LRRC4C: variants seen among roughly 807,000 people sequenced by gnomAD.
LRRC4C encodes leucine rich repeat containing 4C.
LRRC4C carries 5 observed loss-of-function variants against 33.6 expected under a neutral mutation model. The ratio of observed to expected loss-of-function variants is 0.15; its 90% CI spans 0.08 to 0.31. The LOEUF (loss-of-function observed/expected upper bound fraction) is 0.31. LRRC4C is among the 10% of genes least tolerant of loss of function. The probability of loss-of-function intolerance (pLI) is 1.00; values close to 1 mark genes in which losing one functional copy is unlikely to be tolerated. For synonymous variants in LRRC4C, 329 were observed against 302.0 expected, an observed-to-expected ratio of 1.09 and a Z score of -0.93; for missense variants, 560 against 796.7, an observed-to-expected ratio of 0.70 and a Z score of 3.58.
chr11:40,512,724 G>T (rs758665855), intron 3 of LRRC4C, among the ~76,000 whole-genome samples: 7 of 152,154 alleles, frequency 4.6e-5, no homozygotes, highest in Non-Finnish European at 8.8e-5. Context: ...TCCTAGCCGT[G>T]CAAAATGCCA....
At chr11:40,439,770 C>T (rs1309224354) in intron 3 of LRRC4C, among the ~76,000 whole-genome samples, 2 of 152,086 alleles carry the variant, frequency 1.3e-5, no homozygotes, top group African/African-American at 2.4e-5. Flanking sequence ...CTTTAAATGC[C>T]TATGTGAAGT....
At chr11:40,749,960 C>T (rs528431394) in intron 2 of LRRC4C, among the ~76,000 whole-genome samples, 1 of 152,150 alleles carries the variant, frequency 6.6e-6, no homozygotes, top group East Asian at 1.9e-4. Context: ...CTGAACAGAC[C>T]AATAATTAGT....
intron 2 of LRRC4C, among the ~76,000 whole-genome samples, chr11:40,802,892 C>T (rs1414495557): frequency 6.6e-6 from 1 of 152,110 alleles, no homozygotes; most frequent in East Asian, 1.9e-4. Context: ...TGAAGAAAGG[C>T]TCATACCAAG....
At chr11:41,344,197 T>C (rs1951727564) in intron 1 of LRRC4C, among the ~76,000 whole-genome samples, 1 of 151,684 alleles carries the variant, frequency 6.6e-6, no homozygotes, top group Non-Finnish European at 1.5e-5. Flanking sequence ...CCAATACCAA[T>C]TCACTCTTTG....
chr11:40,710,198 G>A (rs569981391), intron 2 of LRRC4C, among the ~76,000 whole-genome samples: 24 of 152,266 alleles, frequency 1.6e-4, no homozygotes, highest in East Asian at 7.7e-4. Context: ...CTGTCAACTC[G>A]TCAAAGTCAT....
chr11:41,048,934 A>C (rs2138091759), intron 1 of LRRC4C, among the ~76,000 whole-genome samples: 1 of 152,340 alleles, frequency 6.6e-6, no homozygotes, highest in South Asian at 2.1e-4. Flanking sequence ...AATTTTAAAA[A>C]GCCAGAGTGA....
At chr11:40,243,854 A>ATTT (rs60367465) in intron 4 of LRRC4C, among the ~76,000 whole-genome samples, 1 of 127,406 alleles carries the variant, frequency 7.8e-6, no homozygotes, top group Non-Finnish European at 1.7e-5. Flanking sequence ...ACACCTGGGT[A>ATTT]TTTTTTTTTT....
chr11:41,193,677 A>G (rs541510686), intron 1 of LRRC4C, among the ~76,000 whole-genome samples: 5 of 152,236 alleles, frequency 3.3e-5, no homozygotes, highest in African/African-American at 1.2e-4. Context: ...TTAACCAAAG[A>G]CATCTTAATG....
At chr11:40,579,734 C>T (rs1958382211) in intron 3 of LRRC4C, among the ~76,000 whole-genome samples, 1 of 147,366 alleles carries the variant, frequency 6.8e-6, no homozygotes, top group Admixed American at 6.9e-5. Context: ...AAGAGTCCTC[C>T]AAAAGAAAAA....
chr11:40,350,808 A>G (rs1429251457), intron 3 of LRRC4C, among the ~76,000 whole-genome samples: 13 of 151,858 alleles, frequency 8.6e-5, no homozygotes, highest in Admixed American at 8.5e-4. Flanking sequence ...GAGATCTTTT[A>G]CTTCTTTGGT....
At chr11:40,496,518 A>T (rs927220970) in intron 3 of LRRC4C, among the ~76,000 whole-genome samples, 14 of 152,116 alleles carry the variant, frequency 9.2e-5, no homozygotes, top group African/African-American at 3.4e-4. Context: ...TTTTTATTTT[A>T]TTATTATTTT....
At chr11:40,964,716 C>A (rs947536958) in intron 1 of LRRC4C, among the ~76,000 whole-genome samples, 4 of 152,024 alleles carry the variant, frequency 2.6e-5, no homozygotes, top group East Asian at 1.9e-4. Context: ...TTTTTTATGG[C>A]TGCATAGTAT....
In LRRC4C at chr11:41,311,805, GCTTT is replaced by G. The variant is rs1015084441; in HGVS notation, c.-496+147622_-496+147625del. On this transcript the variant is annotated intron_variant, in intron 1 of 6. Transcript: ENST00000528697. The stretch of plus-strand genomic sequence containing the variant: ...AGATTTATCTCAATCACAAATTTTG[GCTTT>G]CTATTTTTTCTGTCGTGTGTCATAG... Among the ~76,000 whole-genome samples the G allele has an allele frequency of 2.6e-5, 4 of 151,978 alleles. No individual in the cohort carries two copies. The South Asian group carries it at 8.3e-4, about 31-fold the overall frequency.
chr11:40,304,524 A>G (rs888306077), intron 4 of LRRC4C, among the ~76,000 whole-genome samples: 1 of 152,200 alleles, frequency 6.6e-6, no homozygotes, highest in Non-Finnish European at 1.5e-5. Context: ...ATTAACTAAT[A>G]AAGTCAAGGT....
chr11:41,410,090 C>T (rs2138202718), intron 1 of LRRC4C, among the ~76,000 whole-genome samples: 1 of 152,322 alleles, frequency 6.6e-6, no homozygotes, highest in East Asian at 1.9e-4. Flanking sequence ...CCCCAGGCCT[C>T]ATCCCATCCA....
chr11:40,993,547 T>C (rs1347643018), intron 1 of LRRC4C, among the ~76,000 whole-genome samples: 4 of 151,432 alleles, frequency 2.6e-5, no homozygotes, highest in South Asian at 2.2e-4. Context: ...TTTTAGGCAC[T>C]CCTTTGATTG....
rs1040714792 is a variant in LRRC4C at position 40,712,156 on chromosome 11, C to T, written c.-406-63878G>A. ...CTTAATTAAAGTTTTCTTGCAATATCATTGACAAATGCTCTGCATTTTTCT... is the reference window on the plus strand; with the variant it reads ...CTTAATTAAAGTTTTCTTGCAATATTATTGACAAATGCTCTGCATTTTTCT... On this transcript the variant is annotated intron_variant, in intron 2 of 6. Transcript: ENST00000528697. Among the ~76,000 whole-genome samples the T allele has an allele frequency of 3.3e-5, 5 of 152,142 alleles. No individual in the cohort carries two copies. The East Asian group carries it at 7.7e-4, about 23-fold the overall frequency.
At chr11:40,237,933 G>A (rs1865677010) in intron 5 of LRRC4C, among the ~76,000 whole-genome samples, 1 of 152,156 alleles carries the variant, frequency 6.6e-6, no homozygotes, top group South Asian at 2.1e-4. Flanking sequence ...AGCCACCGCT[G>A]AAAAGAGTTT....
chr11:40,828,985 T>C (rs1952288299), intron 2 of LRRC4C, among the ~76,000 whole-genome samples: 1 of 151,976 alleles, frequency 6.6e-6, no homozygotes. Context: ...TCTGGTCTTA[T>C]TCTGGTTTCT....
Sources: allele counts gnomAD v4.1 joint callset (sites outside exome capture counted in the v4.1 genomes callset), GRCh38; gene constraint gnomAD v4.1.1; transcripts MANE v1.5; gene names NCBI Gene and HGNC (gene_info 2026-07-23, HGNC 2026-07-21).